Variants in C11orf65 observed in about 807,000 individuals in gnomAD.
C11orf65 encodes the protein chromosome 11 open reading frame 65.
A neutral mutation model predicts 35.3 loss-of-function variants in C11orf65; 38 were observed. The ratio of observed to expected loss-of-function variants is 1.08; its 90% confidence interval spans 0.83 to 1.41. The LOEUF (loss-of-function observed/expected upper bound fraction) is 1.41. Ranked by LOEUF, C11orf65 falls within the 40% of genes most tolerant of loss-of-function variation. The pLI, the probability that C11orf65 is intolerant of heterozygous loss-of-function variation, is 0.00. For synonymous variants in C11orf65, 105 were observed against 114.4 expected (o/e 0.92, Z 0.53); for missense variants, 370 against 367.1 (o/e 1.01, Z -0.06).
chr11:108,321,383 A>G lies in C11orf65; in HGVS notation c.641-12312T>C, dbSNP rs2136241829. On this transcript the variant is annotated intron_variant, in intron 6 of 6. Transcript: ENST00000525729. Reference sequence around the variant, plus strand: ...TCCCACACTTAGCAGGTTGCAGGCCATTGGAGAGCTGGAAAGCATTGGGGA... The same window carrying G: ...TCCCACACTTAGCAGGTTGCAGGCCGTTGGAGAGCTGGAAAGCATTGGGGA... 3 of 1,614,170 alleles carry G rather than the reference A, an allele frequency of 1.9e-6. No homozygotes were observed. The highest frequency in any genetic ancestry group is 2.5e-6 in the Non-Finnish European group (3 of 1,180,014).
At chr11:108,355,790 T>A (rs1430692044) in intron 2 of C11orf65, 2 of 152,246 alleles carry the variant, frequency 1.3e-5, no homozygotes, top group Non-Finnish European at 2.9e-5. Flanking sequence ...ATGAGAACTG[T>A]CTTAATTCAT....
At chr11:108,415,693 C>T (rs1276634139) in intron 3 of C11orf65, among the ~76,000 whole-genome samples, 1 of 152,126 alleles carries the variant, frequency 6.6e-6, no homozygotes, top group East Asian at 1.9e-4. Context: ...AGAATTGACA[C>T]CACCCAACTT....
chr11:108,435,187 T>C (rs2093044246), intron 2 of C11orf65, among the ~76,000 whole-genome samples: 1 of 152,212 alleles, frequency 6.6e-6, no homozygotes, highest in Non-Finnish European at 1.5e-5. Flanking sequence ...TGTCCTTCTT[T>C]GTACCTTTGT....
intron 2 of C11orf65, among the ~76,000 whole-genome samples, chr11:108,336,971 A>G (rs1201558875): frequency 6.6e-6 from 1 of 152,154 alleles, no homozygotes; most frequent in Non-Finnish European, 1.5e-5. Context: ...CCTTCTATAA[A>G]TGTTGTAACA....
At chr11:108,325,563 T>G (rs1337091568) in intron 6 of C11orf65, 1 of 1,554,146 alleles carries the variant, frequency 6.4e-7, no homozygotes, top group African/African-American at 1.4e-5. Context: ...AATTTAAAAC[T>G]ATGTCATCTT....
intron 7 of C11orf65, among the ~76,000 whole-genome samples, chr11:108,388,685 C>A (rs1457903890): frequency 6.6e-6 from 1 of 152,220 alleles, no homozygotes; most frequent in Admixed American, 6.5e-5. Flanking sequence ...AATTCACTTG[C>A]TGTTTGAAAA....
At chr11:108,329,287 G>GT (rs1491177880), downstream of C11orf65, 1 of 1,504,644 alleles carries the variant, frequency 6.6e-7, no homozygotes, top group East Asian at 2.4e-5. Flanking sequence ...AGTTAACTGA[G>GT]TGAGTGTTTT....
intron 6 of C11orf65, among the ~76,000 whole-genome samples, chr11:108,396,531 C>A (rs940370178): frequency 6.6e-6 from 1 of 151,870 alleles, no homozygotes; most frequent in African/African-American, 2.4e-5. Flanking sequence ...GTTTTGAACT[C>A]TTTTAAAATG....
At chr11:108,433,567 G>A (rs1385948942) in intron 2 of C11orf65, among the ~76,000 whole-genome samples, 4 of 136,872 alleles carry the variant, frequency 2.9e-5, no homozygotes, top group African/African-American at 7.9e-5. Context: ...GTGACAGAGT[G>A]AGACTCCGTC....
rs201689025 is a variant in C11orf65 at position 108,335,067 on chromosome 11, T to C, written c.299+153A>G. On this transcript the variant is annotated intron_variant, in intron 3 of 3. Coordinates refer to the C11orf65 transcript ENST00000524755. ...GTGTAAATTTACCAAAAATAATAGA[T>C]TGTGTAGGTTCCGATGGCAAGGAGA... The C allele has an allele frequency of 1.2e-5, 19 of 1,613,940 alleles. No homozygotes were observed. Among genetic ancestry groups the C allele is most frequent in the African/African-American group, 4.0e-5 (3 of 74,900 alleles).
intron 2 of C11orf65, among the ~76,000 whole-genome samples, chr11:108,455,831 A>C (rs1162724830): frequency 6.8e-6 from 1 of 148,122 alleles, no homozygotes; most frequent in African/African-American, 2.5e-5. Flanking sequence ...AAAAAAAAAA[A>C]AAAAAAAAAC....
At chr11:108,457,898 G>C (rs1048693409) in intron 2 of C11orf65, among the ~76,000 whole-genome samples, 8 of 152,002 alleles carry the variant, frequency 5.3e-5, no homozygotes, top group Non-Finnish European at 7.4e-5. Context: ...CCACTTGACT[G>C]TATCTAGAAT....
At chr11:108,379,644 A>T (rs11212604), downstream of C11orf65, among the ~76,000 whole-genome samples, 8,916 of 149,616 alleles carry the variant, frequency 0.06, 825 homozygotes, top group African/African-American at 0.2. Flanking sequence ...AAATAAAATT[A>T]AAAAAAAAAG....
At chr11:108,319,750 G>A (rs549586859) in intron 6 of C11orf65, among the ~76,000 whole-genome samples, 40 of 152,278 alleles carry the variant, frequency 2.6e-4, no homozygotes, top group Admixed American at 7.2e-4. Context: ...ACCAGGCAGA[G>A]TATCTGAGTA....
intron 2 of C11orf65, among the ~76,000 whole-genome samples, chr11:108,434,956 A>G (rs2093041304): frequency 6.6e-6 from 1 of 152,234 alleles, no homozygotes; most frequent in Non-Finnish European, 1.5e-5. Flanking sequence ...CTGATAGAAT[A>G]GTGGAATGGC....
chr11:108,432,606 T>G (rs1227730602), intron 2 of C11orf65, among the ~76,000 whole-genome samples: 1 of 152,150 alleles, frequency 6.6e-6, no homozygotes, highest in Non-Finnish European at 1.5e-5. Context: ...CTTTAATAAC[T>G]CTTGGTAAAC....
chr11:108,362,886 A>AT (rs2090946732), intron 2 of C11orf65, among the ~76,000 whole-genome samples: 1 of 151,868 alleles, frequency 6.6e-6, no homozygotes, highest in Non-Finnish European at 1.5e-5. Flanking sequence ...CCAGCATGGC[A>AT]TATGTATACA....
At chr11:108,317,650 T>TATATAC (rs1555115154) in intron 6 of C11orf65, 1 of 129,258 alleles carries the variant, frequency 7.7e-6, no homozygotes, top group Non-Finnish European at 1.3e-5. Context: ...TATATATATA[T>TATATAC]ATACACACAC....
intron 6 of C11orf65, among the ~76,000 whole-genome samples, chr11:108,402,354 A>G (rs1422780565): frequency 6.6e-6 from 1 of 152,200 alleles, no homozygotes; most frequent in African/African-American, 2.4e-5. Flanking sequence ...CCCAGGCCTC[A>G]GAGTTCTACT....
Sources: allele counts gnomAD v4.1 joint callset (sites outside exome capture counted in the v4.1 genomes callset), GRCh38; gene constraint gnomAD v4.1.1; transcripts MANE v1.5; gene names NCBI Gene and HGNC (gene_info 2026-07-23, HGNC 2026-07-21).